Variants in RBM15 observed in about 807,000 individuals in gnomAD.
RBM15 encodes RNA binding motif protein 15.
In RBM15, 8 loss-of-function variants were observed where a neutral mutation model predicts 62.6. The observed-to-expected ratio is 0.13, with a 90% confidence interval of 0.07 to 0.23. The LOEUF is 0.23. Among genes scored for constraint, RBM15 ranks in the 10% least tolerant of loss-of-function variants. RBM15 has a pLI of 1.00. For missense variants in RBM15, 1,144 were observed against 1,286.5 expected (o/e 0.89, Z 1.69); for synonymous variants, 606 against 505.7 (o/e 1.20, Z -2.66).
rs1043504382 is a variant in RBM15, at chr1:110,346,408, A to G, written c.*141A>G. The G allele has an allele frequency of 2.0e-6, 3 of 1,496,668 alleles. No individual in the cohort carries two copies. The highest frequency in any genetic ancestry group is 2.8e-6 in the Non-Finnish European group (3 of 1,089,142). 92.7% of individuals were successfully genotyped at this position (1,496,668 alleles called of 1,614,324 possible). A position where few individuals can be genotyped will look rare whatever the true frequency, so the allele number is the denominator to read the frequency against. ...TATGTGGAGTTTACATGGGCCTCTG[A>G]TGGAAGAAAGCTAATCTGTTTAGTA... On this transcript the variant is annotated 3_prime_UTR_variant, in exon 3 of 3. Transcript: ENST00000369784.
chr1:110,341,680 G>A lies in RBM15; in HGVS notation c.2275G>A (p.Ala759Thr). 6.2e-7 allele frequency: 1 copy of A among 1,614,156 alleles called. No individual in the cohort carries two copies. The highest frequency in any genetic ancestry group is 8.5e-7 in the Non-Finnish European group (1 of 1,180,030). ...TGGGAGTGCACCTAGCACCAGCACT[G>A]CTTCCTCCAAGCTGAAGTCCCCGTC... ...SDGSAPSTST[A>T]SSKLKSPSQK... is the part of the protein sequence containing the mutation. The change falls in exon 1 of 3, where the codon GCT becomes ACT. Residue 759 changes from alanine (A) to threonine (T), a missense_variant. Ala to Thr is a moderately conservative substitution (Grantham distance 58, BLOSUM62 0). Coordinates refer to ENST00000369784, the MANE Select transcript of RBM15 (RefSeq NM_022768.5). This position sits in a 1 kb window ranked among gnomAD's most constrained non-coding sequence, Gnocchi z 4.5.
chr1:110,339,676 G>T lies in RBM15; in HGVS notation c.271G>T (p.Gly91Cys). The change falls in exon 1 of 3, where the codon GGC becomes TGC. Residue 91 changes from glycine (G) to cysteine (C), a missense_variant. Gly to Cys is a radical substitution (Grantham distance 159). Around this residue, in one of 8 missense-constraint regions of RBM15, gnomAD observed 298 missense variants for 250.0 expected, o/e 1.19. Transcript: ENST00000369784. ...GAGCAGCAGCGGAAAGACCGATAGC[G>T]GCGGTGGGTCGCGGCGGAGTCTCCA... ...NGSSSGKTDS[G>C]GGSRRSLHLD... The T allele has an allele frequency of 6.2e-7, 1 of 1,613,124 alleles. No individual in the cohort carries two copies. Among genetic ancestry groups the T allele is most frequent in the Non-Finnish European group, 8.5e-7 (1 of 1,179,954 alleles).
At position 110,341,504 on chromosome 1, in the gene RBM15, C is replaced by T. The variant is rs1311507429; in HGVS notation, c.2099C>T (p.Ser700Phe). The part of the protein sequence containing the change: ...RSSRLLLERP[S>F]PIRDRRGSLE... ...TCCCGTCTTCTCTTGGAAAGGCCCT[C>T]TCCAATCAGAGACAGACGAGGTAGT... Residue 700 changes from serine (S) to phenylalanine (F), a missense_variant, in exon 1 of 3, where the codon TCT becomes TTT. By Grantham distance (155) the Ser-to-Phe change is radical. Transcript: ENST00000369784. This position sits in a 1 kb window ranked among gnomAD's most constrained non-coding sequence, Gnocchi z 4.5. 6.2e-7 allele frequency: 1 copy of T among 1,614,134 alleles called. No individual in the cohort carries two copies. The highest frequency in any genetic ancestry group is 8.5e-7 in the Non-Finnish European group (1 of 1,180,036).
rs993572455 is a variant in RBM15 at position 110,344,724 on chromosome 1, G to T, written c.2864-815G>T. Among the ~76,000 whole-genome samples, 4 of 152,226 alleles carry T rather than the reference G, an allele frequency of 2.6e-5. No individual in the cohort carries two copies. In the South Asian group the frequency reaches 8.3e-4, roughly 32 times the overall value. ...CTTAAGAATTCAAATGAAAGCAAAA[G>T]TCTAAAACCGGTTCTACTTCTCATT... On this transcript the variant is annotated intron_variant, in intron 1 of 2. Transcript: ENST00000369784.
intron 1 of RBM15, among the ~76,000 whole-genome samples, chr1:110,345,025 G>C: frequency 6.6e-6 from 1 of 152,134 alleles, no homozygotes; most frequent in Non-Finnish European, 1.5e-5. Context: ...GTATTTTGTT[G>C]GGATTCCTAT....
intron 2 of RBM15, 41 bp downstream of exon 2, chr1:110,345,690 A>G (rs1382480894): frequency 1.6e-6 from 2 of 1,243,050 alleles, no homozygotes; most frequent in African/African-American, 1.5e-5. Flanking sequence ...AGAGTTTTAT[A>G]TGTATGGTTT....
chr1:110,345,485 GA>G (rs968847409), intron 1 of RBM15, 53 bp from the exon 2 acceptor site: 8 of 1,315,844 alleles, frequency 6.1e-6, no homozygotes, highest in Admixed American at 1.7e-5. Context: ...CCTTTTATGT[GA>G]AAAAAATTTT....
chr1:110,340,023 T>C lies in RBM15; in HGVS notation c.618T>C (p.His206=). 6.2e-7 allele frequency: 1 copy of C among 1,614,048 alleles called. No homozygotes were observed. Among genetic ancestry groups the C allele is most frequent in the East Asian group, 2.2e-5 (1 of 44,876 alleles). The part of the protein sequence containing the change: ...RFGDVSVKIS[H]LSGSGSGDER... ...GTGATGTAAGTGTGAAAATCAGTCA[T>C]CTGTCGGGTTCTGGCAGCGGGGATG... The change falls in exon 1 of 3, where the codon CAT becomes CAC. Residue 206 remains histidine, a synonymous_variant. Transcript: ENST00000369784. This position sits in a 1 kb window ranked among gnomAD's most constrained non-coding sequence, Gnocchi z 5.8.
Position 110,341,439 on chromosome 1 carries a change from C to G in RBM15, c.2034C>G (p.Ser678Arg). 2 of 1,614,144 alleles carry G rather than the reference C, an allele frequency of 1.2e-6. No individual in the cohort carries two copies. The highest frequency in any genetic ancestry group is 8.5e-7 in the Non-Finnish European group (1 of 1,180,020). ...CTCCTGACCGCAGTCCAGAATTGAG[C>G]AGTAGCCGGGATCGTTACAACAGCG... ...APSPDRSPEL[S>R]SSRDRYNSDN... Residue 678 changes from serine to arginine, a missense_variant, in exon 1 of 3, where the codon AGC (serine) becomes AGG (arginine). Ser to Arg is a moderately radical substitution (Grantham distance 110). Coordinates refer to ENST00000369784, the MANE Select transcript of RBM15 (RefSeq NM_022768.5). This position sits in a 1 kb window ranked among gnomAD's most constrained non-coding sequence, Gnocchi z 4.5.
In RBM15 at chr1:110,339,785, G is replaced by A. The variant is rs1253327428; in HGVS notation, c.380G>A (p.Ser127Asn). 3 of 1,604,916 alleles carry A rather than the reference G, an allele frequency of 1.9e-6. No homozygotes were observed. The highest frequency in any genetic ancestry group is 2.6e-6 in the Non-Finnish European group (3 of 1,173,422). The change falls in exon 1 of 3, where the codon AGC becomes AAC. Residue 127 changes from serine to asparagine, a missense_variant. Physicochemically the swap from Ser to Asn is conservative, Grantham distance 46. Transcript: ENST00000369784. ...GSSSSRLHSY[S>N]SPSTKNSSGG... ...TCCAGTAGCCGCTTGCATAGTTATA[G>A]CTCCCCGAGCACCAAAAATTCTTCG...
rs1219017373 is a variant in RBM15, at chr1:110,340,865, G to A, written c.1460G>A (p.Arg487Gln). 2.5e-6 allele frequency: 4 copies of A among 1,614,076 alleles called. 1 individual carries two copies. Among genetic ancestry groups the A allele is most frequent in the South Asian group, 2.2e-5 (2 of 91,088 alleles). ...RFGTIRTIDY[R>Q]KGDSWAYIQY... ...GGCACCATACGCACCATAGACTACC[G>A]AAAAGGTGATAGTTGGGCATATATC... The change falls in exon 1 of 3, where the codon CGA becomes CAA. Residue 487 changes from arginine to glutamine, a missense_variant. Transcript: ENST00000369784. The surrounding 1 kb of genome is among the most constrained non-coding windows in gnomAD (Gnocchi z 5.8).
At position 110,341,480 on chromosome 1, in the gene RBM15, C is replaced by T. The variant is rs1032996387; in HGVS notation, c.2075C>T (p.Ser692Phe). 22 of 1,614,000 alleles carry T rather than the reference C, an allele frequency of 1.4e-5. No individual in the cohort carries two copies. In the Admixed American group the frequency reaches 2.5e-4, roughly 18 times the overall value. Reference sequence around the variant, plus strand: ...TACAACAGCGACAATGATCGATCTTCCCGTCTTCTCTTGGAAAGGCCCTCT... The same window carrying T: ...TACAACAGCGACAATGATCGATCTTTCCGTCTTCTCTTGGAAAGGCCCTCT... The part of the protein sequence containing the change: ...DRYNSDNDRS[S>F]RLLLERPSPI... Residue 692 changes from serine to phenylalanine, a missense_variant, in exon 1 of 3, where the codon TCC becomes TTC. Ser to Phe is a radical substitution (Grantham distance 155). Around this residue, in one of 8 missense-constraint regions of RBM15, gnomAD observed 360 missense variants for 342.9 expected, o/e 1.05. Coordinates refer to ENST00000369784, the MANE Select transcript of RBM15 (RefSeq NM_022768.5). The surrounding 1 kb of genome is among the most constrained non-coding windows in gnomAD (Gnocchi z 4.5).
In RBM15 at chr1:110,341,246, T is replaced by A. The variant is rs749366611; in HGVS notation, c.1841T>A (p.Leu614Gln). ...SVPAYEPLDS[L>Q]DRRRDGWSLD... Reference sequence around the variant, plus strand: ...CCTGCTTACGAGCCACTGGATAGCCTAGATCGCAGGCGGGATGGTTGGTCC... The same window carrying A: ...CCTGCTTACGAGCCACTGGATAGCCAAGATCGCAGGCGGGATGGTTGGTCC... Residue 614 changes from leucine to glutamine, a missense_variant, in exon 1 of 3, where the codon CTA becomes CAA. Leu to Gln is a moderately radical substitution (Grantham distance 113). Coordinates refer to ENST00000369784, the MANE Select transcript of RBM15 (RefSeq NM_022768.5). The surrounding 1 kb of genome is among the most constrained non-coding windows in gnomAD (Gnocchi z 4.5). 2 of 1,614,066 alleles carry A rather than the reference T, an allele frequency of 1.2e-6. No individual in the cohort carries two copies. The highest frequency in any genetic ancestry group is 2.2e-5 in the South Asian group (2 of 91,070).
At chr1:110,345,847 A>G (rs894771145) in intron 2 of RBM15, among the ~76,000 whole-genome samples, 198 bp downstream of exon 2, 2 of 152,212 alleles carry the variant, frequency 1.3e-5, no homozygotes, top group Non-Finnish European at 2.9e-5. Context: ...ACCCCTTTCT[A>G]CAATAATGGA....
Position 110,341,580 on chromosome 1 carries a change from T to A in RBM15, c.2175T>A (p.Ala725=). The part of the protein sequence containing the change: ...DKRDRKNSAS[A]ERDRKHRTTA... ...GAGACCGTAAAAACTCTGCATCAGC[T>A]GAACGAGATAGGAAGCACCGGACAA... is the stretch of plus-strand genomic sequence containing the variant. The change falls in exon 1 of 3, where the codon GCT becomes GCA. Residue 725 remains alanine (A), a synonymous_variant. Transcript: ENST00000369784. This position sits in a 1 kb window ranked among gnomAD's most constrained non-coding sequence, Gnocchi z 4.5. 1 of 1,614,070 alleles carries A rather than the reference T, an allele frequency of 6.2e-7. No individual in the cohort carries two copies. The highest frequency in any genetic ancestry group is 8.5e-7 in the Non-Finnish European group (1 of 1,179,998).
rs1179366059 is a variant in RBM15, at chr1:110,340,760, C to T, written c.1355C>T (p.Thr452Ile). ...ATCAAAATTGGTTATGGTAAAGCTA[C>T]ACCCACCACCCGCCTCTGGGTGGGA... is the stretch of plus-strand genomic sequence containing the variant. ...NPIKIGYGKA[T>I]PTTRLWVGGL... The change falls in exon 1 of 3, where the codon ACA (threonine) becomes ATA (isoleucine). Residue 452 changes from threonine (T) to isoleucine (I), a missense_variant. By Grantham distance (89) the Thr-to-Ile change is moderately conservative. Transcript: ENST00000369784. The surrounding 1 kb of genome is among the most constrained non-coding windows in gnomAD (Gnocchi z 5.8). 1.9e-6 allele frequency: 3 copies of T among 1,614,016 alleles called. No individual in the cohort carries two copies. Among genetic ancestry groups the T allele is most frequent in the Non-Finnish European group, 2.5e-6 (3 of 1,180,052 alleles).
Position 110,341,601 on chromosome 1 carries a change from G to C in RBM15, c.2196G>C (p.Arg732=). ...CAGCTGAACGAGATAGGAAGCACCG[G>C]ACAACTGCTCCCACTGAGGGAAAAA... ...SASAERDRKH[R]TTAPTEGKSP... The change falls in exon 1 of 3, where the codon CGG becomes CGC. Residue 732 remains arginine (R), a synonymous_variant. Transcript: ENST00000369784. This position sits in a 1 kb window ranked among gnomAD's most constrained non-coding sequence, Gnocchi z 4.5. 6.2e-7 allele frequency: 1 copy of C among 1,614,154 alleles called. No homozygotes were observed. The highest frequency in any genetic ancestry group is 8.5e-7 in the Non-Finnish European group (1 of 1,180,034).
Position 110,341,816 on chromosome 1 carries a change from A to T in RBM15, c.2411A>T (p.His804Leu), listed in dbSNP as rs770605887. The T allele has an allele frequency of 3.1e-6, 5 of 1,614,226 alleles. No individual in the cohort carries two copies. Among genetic ancestry groups the T allele is most frequent in the Non-Finnish European group, 3.4e-6 (4 of 1,180,036 alleles). ...LKNSNFPSNM[H>L]LLQGDLQVAS... ...AACAGCAACTTTCCTTCCAACATGC[A>T]TCTGTTGCAGGGTGACCTCCAAGTG... Residue 804 changes from histidine to leucine, a missense_variant, in exon 1 of 3, where the codon CAT becomes CTT. Physicochemically the swap from His to Leu is moderately conservative, Grantham distance 99 (BLOSUM62 -3). Coordinates refer to ENST00000369784, the MANE Select transcript of RBM15 (RefSeq NM_022768.5). The surrounding 1 kb of genome is among the most constrained non-coding windows in gnomAD (Gnocchi z 4.5).
rs989427534 is a variant in RBM15, at chr1:110,346,420, T to G, written c.*153T>G. ...ACATGGGCCTCTGATGGAAGAAAGC[T>G]AATCTGTTTAGTATTTGTGCATTTT... On this transcript the variant is annotated 3_prime_UTR_variant, in exon 3 of 3. Transcript: ENST00000369784. 13 of 1,433,468 alleles carry G rather than the reference T, an allele frequency of 9.1e-6. No individual in the cohort carries two copies. The highest frequency in any genetic ancestry group is 9.7e-7 in the Non-Finnish European group (1 of 1,032,546). 88.8% of individuals were successfully genotyped at this position (1,433,468 alleles called of 1,614,324 possible). A position where few individuals can be genotyped will look rare whatever the true frequency, so the allele number is the denominator to read the frequency against.
Sources: gnomAD v4.1 joint callset for allele counts (sites outside exome capture counted in the v4.1 genomes callset) on GRCh38, gnomAD v4.1.1 for gene constraint, gnomAD v4.1.1 regional missense constraint, Gnocchi (gnomAD v3.1) non-coding constraint, MANE v1.5 for transcripts, NCBI Gene and HGNC (gene_info 2026-07-23, HGNC 2026-07-21) for gene names.